SOBP: variants seen among roughly 807,000 people sequenced by gnomAD.
The protein encoded by SOBP is sine oculis-binding protein homolog.
SOBP carries 4 observed loss-of-function variants against 53.6 expected under a neutral mutation model. The ratio of observed to expected loss-of-function variants is 0.07; its 90% CI spans 0.04 to 0.17. SOBP has a LOEUF of 0.17. Ranked by LOEUF, SOBP falls within the 10% of genes least tolerant of loss-of-function variation. The pLI is 1.00. For missense variants in SOBP, 1,088 were observed against 1,204.7 expected, an observed-to-expected ratio of 0.90 and a Z score of 1.43; for synonymous variants, 584 against 522.6, an observed-to-expected ratio of 1.12 and a Z score of -1.60.
chr6:107,591,364 C>T (rs186548207), intron 5 of SOBP, among the ~76,000 whole-genome samples: 9 of 152,300 alleles, frequency 5.9e-5, no homozygotes, highest in African/African-American at 2.2e-4. Context: ...TGTTATTACA[C>T]AGTGAGCTAT....
At chr6:107,582,033 A>G (rs2115053067) in intron 4 of SOBP, among the ~76,000 whole-genome samples, 1 of 152,334 alleles carries the variant, frequency 6.6e-6, no homozygotes, top group South Asian at 2.1e-4. Context: ...AAATCCTGAG[A>G]TCACAATGAC....
At chr6:107,493,019 G>T (rs1479181052) in intron 1 of SOBP, among the ~76,000 whole-genome samples, 1 of 152,044 alleles carries the variant, frequency 6.6e-6, no homozygotes, top group Non-Finnish European at 1.5e-5. Flanking sequence ...AAGGTGGAAG[G>T]ATTATTTTGA....
In SOBP at chr6:107,658,617, T is replaced by G. The variant is rs143963623; in HGVS notation, c.*414T>G. The G allele has an allele frequency of 3.6e-4, 55 of 152,782 alleles. No homozygotes were observed. The highest frequency in any genetic ancestry group is 1.2e-3 in the African/African-American group (51 of 41,580). 9.5% of individuals were successfully genotyped at this position (152,782 alleles called of 1,614,324 possible). A position where few individuals can be genotyped will look rare whatever the true frequency, so the allele number is the denominator to read the frequency against. ...GAACACAAAAAATCTTTTTTTAATC[T>G]TTTTAAAAACTGCTGTGGTTTTGCT... is the stretch of plus-strand genomic sequence containing the variant. On this transcript the variant is annotated 3_prime_UTR_variant, in exon 7 of 7. Transcript: ENST00000317357.
intron 3 of SOBP, among the ~76,000 whole-genome samples, chr6:107,530,426 T>G (rs1783788222): frequency 6.6e-6 from 1 of 152,152 alleles, no homozygotes; most frequent in Admixed American, 6.6e-5. Context: ...AGGGGTGCAG[T>G]CATAAGATGG....
chr6:107,657,814 T>G (rs1158497224), intron 6 of SOBP, among the ~76,000 whole-genome samples: 1 of 151,472 alleles, frequency 6.6e-6, no homozygotes, highest in Admixed American at 6.6e-5. Context: ...GCACTCCAGC[T>G]TGGGCAACAG....
intron 6 of SOBP, among the ~76,000 whole-genome samples, chr6:107,652,902 T>C (rs1771867099): frequency 6.6e-6 from 1 of 152,086 alleles, no homozygotes; most frequent in East Asian, 1.9e-4. Flanking sequence ...GAAATGTAAA[T>C]TGTTTTTTAG....
At chr6:107,596,432 TTATGAG>T (rs1156796705) in intron 5 of SOBP, among the ~76,000 whole-genome samples, 2 of 152,196 alleles carry the variant, frequency 1.3e-5, no homozygotes, top group Admixed American at 6.5e-5. Context: ...AATGAAATGC[TTATGAG>T]TTGGTTCTGG....
At chr6:107,619,943 G>T (rs532849376) in intron 5 of SOBP, among the ~76,000 whole-genome samples, 26 of 152,244 alleles carry the variant, frequency 1.7e-4, no homozygotes, top group South Asian at 1.7e-3. Flanking sequence ...TTAGCAGAGG[G>T]TAATACCTGG....
chr6:107,528,521 A>T (rs1783729857), intron 3 of SOBP, among the ~76,000 whole-genome samples: 1 of 152,234 alleles, frequency 6.6e-6, no homozygotes, highest in Non-Finnish European at 1.5e-5. Context: ...GGTGCGAGTT[A>T]TACAGAATGT....
intron 4 of SOBP, among the ~76,000 whole-genome samples, chr6:107,542,511 A>G (rs779474128): frequency 6.6e-6 from 1 of 152,130 alleles, no homozygotes; most frequent in African/African-American, 2.4e-5. Context: ...GATGGGTGAT[A>G]TGATCTGATT....
intron 3 of SOBP, among the ~76,000 whole-genome samples, chr6:107,519,637 T>G (rs1160214516): frequency 6.6e-6 from 1 of 152,158 alleles, no homozygotes; most frequent in Non-Finnish European, 1.5e-5. Flanking sequence ...TGTAGGGGAT[T>G]AAAGCATACT....
chr6:107,562,681 A>G (rs1784805752), intron 4 of SOBP, among the ~76,000 whole-genome samples: 2 of 152,244 alleles, frequency 1.3e-5, no homozygotes, highest in Admixed American at 1.3e-4. Flanking sequence ...TGACTGAGAC[A>G]TGTTGAGATG....
At chr6:107,524,612 T>C (rs1049981614) in intron 3 of SOBP, among the ~76,000 whole-genome samples, 1 of 152,194 alleles carries the variant, frequency 6.6e-6, no homozygotes, top group Non-Finnish European at 1.5e-5. Flanking sequence ...GGACCATGGG[T>C]GTCTTTAGTC....
At chr6:107,535,084 A>G (rs1783953061) in intron 4 of SOBP, among the ~76,000 whole-genome samples, 1 of 152,116 alleles carries the variant, frequency 6.6e-6, no homozygotes. Flanking sequence ...TATAATTCTG[A>G]AGGGTTATGG....
chr6:107,638,500 C>T (rs564599264), intron 6 of SOBP, among the ~76,000 whole-genome samples: 81 of 152,290 alleles, frequency 5.3e-4, no homozygotes, highest in Non-Finnish European at 9.7e-4. Context: ...TGTGAGCCAA[C>T]GTGCCCAGGC....
chr6:107,595,557 G>A (rs1785919907), intron 5 of SOBP, among the ~76,000 whole-genome samples: 1 of 151,992 alleles, frequency 6.6e-6, no homozygotes, highest in Non-Finnish European at 1.5e-5. Flanking sequence ...ATACCAAAGA[G>A]AATTCACCTC....
intron 5 of SOBP, among the ~76,000 whole-genome samples, chr6:107,626,303 C>T (rs1011055665): frequency 2.0e-5 from 3 of 152,118 alleles, no homozygotes; most frequent in Non-Finnish European, 2.9e-5. Flanking sequence ...AATTTTTCCA[C>T]TTATTGCTAA....
At chr6:107,597,785 T>G (rs1785999831) in intron 5 of SOBP, among the ~76,000 whole-genome samples, 1 of 152,236 alleles carries the variant, frequency 6.6e-6, no homozygotes, top group African/African-American at 2.4e-5. Flanking sequence ...GTCTTGATAA[T>G]TCAAACCAAA....
intron 3 of SOBP, among the ~76,000 whole-genome samples, chr6:107,512,134 T>C (rs1467449825): frequency 6.6e-6 from 1 of 152,248 alleles, no homozygotes; most frequent in Non-Finnish European, 1.5e-5. Context: ...TGTGCAAACA[T>C]GTCTTTATTC....
Sources: allele counts gnomAD v4.1 joint callset (sites outside exome capture counted in the v4.1 genomes callset), GRCh38; gene constraint gnomAD v4.1.1; transcripts MANE v1.5; gene names NCBI Gene and HGNC (gene_info 2026-07-23, HGNC 2026-07-21).